The following MANEA variants were observed in gnomAD, a reference collection of about 807,000 sequenced individuals.
MANEA encodes mannosidase endo-alpha.
A neutral mutation model predicts 36.8 loss-of-function variants in MANEA; 25 were observed. The observed-to-expected ratio is 0.68, with a 90% CI of 0.50 to 0.95. The LOEUF (loss-of-function observed/expected upper bound fraction) is 0.95, where lower values mean the gene tolerates loss of function less well. Ranked by LOEUF, MANEA falls within the 40% of genes least tolerant of loss-of-function variation. MANEA has a pLI of 0.00. For missense variants in MANEA, 565 were observed against 558.8 expected, an observed-to-expected ratio of 1.01 and a Z score of -0.11; for synonymous variants, 198 against 188.5, an observed-to-expected ratio of 1.05 and a Z score of -0.41.
At chr6:95,598,418 C>G (rs1769523457) in intron 3 of MANEA, among the ~76,000 whole-genome samples, 2 of 152,126 alleles carry the variant, frequency 1.3e-5, no homozygotes, top group African/African-American at 4.8e-5. Flanking sequence ...CACTAACAGA[C>G]TTTCTCATGT....
In MANEA at chr6:95,607,714, A is replaced by C. The variant is rs1185072185; in HGVS notation, c.*1309A>C. ...GTGTACGAAAAATAAATCTCCTTAA[A>C]AACTAAATAAAATGCACTGTATTCT... On this transcript the variant is annotated 3_prime_UTR_variant, in exon 5 of 5. Coordinates refer to ENST00000358812, the MANE Select transcript of MANEA (RefSeq NM_024641.4). The C allele has an allele frequency of 6.6e-6, 1 of 151,726 alleles. No homozygotes were observed. The highest frequency in any genetic ancestry group is 1.5e-5 in the Non-Finnish European group (1 of 67,732). 9.4% of individuals were successfully genotyped at this position (151,726 alleles called of 1,614,324 possible).
At chr6:95,604,978 A>G in intron 4 of MANEA, 75 bp downstream of exon 4, 1 of 502,602 alleles carries the variant, frequency 2.0e-6, no homozygotes, top group Non-Finnish European at 3.4e-6. Flanking sequence ...AGTACATTAA[A>G]TTATATTTGA....
chr6:95,605,054 C>T (rs1030277436), intron 4 of MANEA, 151 bp downstream of exon 4: 1 of 382,560 alleles, frequency 2.6e-6, no homozygotes, highest in African/African-American at 2.1e-5. Context: ...TGAATGTCAC[C>T]ATCATTTCGA....
intron 1 of MANEA, among the ~76,000 whole-genome samples, chr6:95,581,282 A>G (rs1769176988): frequency 6.6e-6 from 1 of 152,202 alleles, no homozygotes; most frequent in African/African-American, 2.4e-5. Flanking sequence ...ATCTCTTAAA[A>G]TTGAGCTTGT....
rs1769739456 is a variant in MANEA at position 95,607,497 on chromosome 6, T to C, written c.*1092T>C. On this transcript the variant is annotated 3_prime_UTR_variant, in exon 5 of 5. Coordinates refer to ENST00000358812, the MANE Select transcript of MANEA (RefSeq NM_024641.4). ...AAAATTATTTTATGTCTAGAGTAGG[T>C]CCTGAAGTTTGGCTTTACATTAAGT... is the stretch of plus-strand genomic sequence containing the variant. 1 of 151,968 alleles carries C rather than the reference T, an allele frequency of 6.6e-6. No homozygotes were observed. Among genetic ancestry groups the C allele is most frequent in the South Asian group, 2.1e-4 (1 of 4,832 alleles). The allele number at this position is 151,968 out of a possible 1,614,324, so 9.4% of individuals were successfully genotyped here.
intron 3 of MANEA, among the ~76,000 whole-genome samples, chr6:95,602,756 C>CA (rs1379260995): frequency 2.0e-5 from 3 of 150,742 alleles, no homozygotes; most frequent in Non-Finnish European, 4.4e-5. Flanking sequence ...CGCGGTGGCT[C>CA]ACGCCTGTAA....
rs1582223429 is a variant in MANEA at position 95,590,529 on chromosome 6, A to G, written c.544+3546A>G. ...ATCTCCTGCCTTTAAAAATTTATACATAAAAGTAGAAGTCACAATGAGATG... is the reference window on the plus strand; with the variant it reads ...ATCTCCTGCCTTTAAAAATTTATACGTAAAAGTAGAAGTCACAATGAGATG... On this transcript the variant is annotated intron_variant, in intron 2 of 4. Coordinates refer to ENST00000358812, the MANE Select transcript of MANEA (RefSeq NM_024641.4). Among the ~76,000 whole-genome samples, 3 of 152,322 alleles carry G rather than the reference A, an allele frequency of 2.0e-5. No homozygotes were observed. In the South Asian group the frequency reaches 6.2e-4, roughly 32 times the overall value.
rs745373099 is a variant in MANEA at position 95,604,922 on chromosome 6, TATAA to T, written c.731+23_731+26del. 22 of 963,968 alleles carry T rather than the reference TATAA, an allele frequency of 2.3e-5. No homozygotes were observed. The highest frequency in any genetic ancestry group is 2.5e-4 in the Middle Eastern group (1 of 4,046). 59.7% of individuals were successfully genotyped at this position (963,968 alleles called of 1,614,324 possible). ...TAGACAAGTGAGTTTCTTCAATATTTATAAATATTGTTATATTATCCAGTGATAA... is the reference window on the plus strand; with the variant it reads ...TAGACAAGTGAGTTTCTTCAATATTTATATTGTTATATTATCCAGTGATAA... On this transcript the variant is annotated intron_variant, in intron 4 of 4. Coordinates refer to ENST00000358812, the MANE Select transcript of MANEA (RefSeq NM_024641.4).
intron 3 of MANEA, among the ~76,000 whole-genome samples, chr6:95,604,241 G>A (rs1367838567): frequency 6.6e-6 from 1 of 151,570 alleles, no homozygotes. Context: ...TTAATGATAT[G>A]GAAGAATTTA....
chr6:95,591,049 G>A (rs879385730), intron 2 of MANEA, among the ~76,000 whole-genome samples: 6 of 152,068 alleles, frequency 3.9e-5, no homozygotes, highest in Non-Finnish European at 8.8e-5. Context: ...TAGATGAATT[G>A]GCCTGTAAAA....
chr6:95,587,795 A>C (rs1362215305), intron 2 of MANEA, among the ~76,000 whole-genome samples: 1 of 152,040 alleles, frequency 6.6e-6, no homozygotes, highest in African/African-American at 2.4e-5. Flanking sequence ...GTTTAATGTA[A>C]TAATGATATG....
Position 95,596,732 on chromosome 6 carries a change from A to G in MANEA, c.545-5A>G, listed in dbSNP as rs773625796. ...TTTCCCTTTCTTTTTGGTCTTTTCT[A>G]TTAGGTGTACTAGCCCTCTCTTGGT... On this transcript the variant is annotated splice_region_variant and splice_polypyrimidine_tract_variant and intron_variant, in intron 2 of 4. Transcript: ENST00000358812. 12 of 1,506,364 alleles carry G rather than the reference A, an allele frequency of 8.0e-6. No individual in the cohort carries two copies. Among genetic ancestry groups the G allele is most frequent in the Non-Finnish European group, 1.1e-5 (12 of 1,084,354 alleles). 93.3% of individuals were successfully genotyped at this position (1,506,364 alleles called of 1,614,324 possible). A position where few individuals can be genotyped will look rare whatever the true frequency, so the allele number is the denominator to read the frequency against.
intron 1 of MANEA, among the ~76,000 whole-genome samples, chr6:95,579,516 A>G (rs1582216820): frequency 6.6e-6 from 1 of 152,214 alleles, no homozygotes; most frequent in East Asian, 1.9e-4. Flanking sequence ...TGTGTCTTCT[A>G]GTATTGAGTT....
intron 1 of MANEA, among the ~76,000 whole-genome samples, chr6:95,582,816 T>A (rs535945379): frequency 1.3e-5 from 2 of 152,310 alleles, no homozygotes; most frequent in East Asian, 3.9e-4. Flanking sequence ...GGTGTACATA[T>A]ATGTATGAAT....
rs1769492364 is a variant in MANEA, at chr6:95,596,829, CATAA to C, written c.641_644del (p.Lys214IlefsTer3). 1 of 1,547,202 alleles carries C rather than the reference CATAA, an allele frequency of 6.5e-7. No homozygotes were observed. Among genetic ancestry groups the C allele is most frequent in the Non-Finnish European group, 8.9e-7 (1 of 1,119,866 alleles). On this transcript the variant is annotated frameshift_variant, in exon 3 of 5. Coordinates refer to ENST00000358812, the MANE Select transcript of MANEA (RefSeq NM_024641.4). LOFTEE classifies it high-confidence loss of function. ...GGTACCCACTATTTTGGATAAAGCTCATAAATATAACCTAAAGGTATTTTATTTT... is the reference window on the plus strand; with the variant it reads ...GGTACCCACTATTTTGGATAAAGCTCATATAACCTAAAGGTATTTTATTTT...
Position 95,578,030 on chromosome 6 carries a change from C to T in MANEA, c.-39+392C>T, listed in dbSNP as rs571642388. 2.6e-5 allele frequency among the ~76,000 whole-genome samples: 4 copies of T among 152,300 alleles called. No homozygotes were observed. The South Asian group carries it at 6.2e-4, about 24-fold the overall frequency. ...TGGAAGCCTTTTTCAGCACCTTCTC[C>T]TTGTGCCCCCAGACTGCCTCTGGGC... On this transcript the variant is annotated intron_variant, in intron 1 of 4. Transcript: ENST00000358812.
intron 3 of MANEA, among the ~76,000 whole-genome samples, chr6:95,597,534 G>A (rs1290855218): frequency 6.6e-6 from 1 of 151,892 alleles, no homozygotes. Flanking sequence ...TCATGTATTA[G>A]GTAGCAACAT....
At chr6:95,594,001 G>A (rs1202814347) in intron 2 of MANEA, among the ~76,000 whole-genome samples, 1 of 151,988 alleles carries the variant, frequency 6.6e-6, no homozygotes. Context: ...GGCGGAGGTT[G>A]CAGTGAGCTG....
chr6:95,584,838 T>C (rs563216470), intron 1 of MANEA, among the ~76,000 whole-genome samples: 1 of 152,334 alleles, frequency 6.6e-6, no homozygotes, highest in Non-Finnish European at 1.5e-5. Flanking sequence ...CTCTTATTTC[T>C]CAGACTGGTT....
Sources: allele counts gnomAD v4.1 joint callset (sites outside exome capture counted in the v4.1 genomes callset), GRCh38; gene constraint gnomAD v4.1.1; transcripts MANE v1.5; gene names NCBI Gene and HGNC (gene_info 2026-07-23, HGNC 2026-07-21).